The following CPNE4 variants were observed in gnomAD, a reference collection of about 807,000 sequenced individuals.
The protein encoded by CPNE4 is copine 4.
In CPNE4, 25 loss-of-function variants were observed where a neutral mutation model predicts 67.9. The observed-to-expected ratio is 0.37, with a 90% CI of 0.27 to 0.51. The LOEUF (loss-of-function observed/expected upper bound fraction) is 0.51, where lower values mean the gene tolerates loss of function less well. CPNE4 is among the 20% of genes least tolerant of loss of function. The pLI, the probability that CPNE4 is intolerant of heterozygous loss-of-function variation, is 0.93. For missense variants in CPNE4, 464 were observed against 690.8 expected (o/e 0.67, Z 3.68); for synonymous variants, 242 against 244.9 (o/e 0.99, Z 0.11).
chr3:131,984,605 C>G (rs759772294), intron 1 of CPNE4, among the ~76,000 whole-genome samples: 1 of 152,180 alleles, frequency 6.6e-6, no homozygotes, highest in Non-Finnish European at 1.5e-5. Flanking sequence ...GCCTATGTCC[C>G]TTTTTCCCTG....
intron 2 of CPNE4, among the ~76,000 whole-genome samples, chr3:131,890,694 C>T (rs559339659): frequency 2.0e-5 from 3 of 152,042 alleles, no homozygotes; most frequent in Non-Finnish European, 4.4e-5. Flanking sequence ...GGAAACAATC[C>T]AAATGTTTAT....
intron 2 of CPNE4, among the ~76,000 whole-genome samples, chr3:131,746,648 A>G (rs950487443): frequency 3.9e-5 from 6 of 152,122 alleles, no homozygotes; most frequent in Non-Finnish European, 8.8e-5. Flanking sequence ...TATATATAGC[A>G]TATTTTCTTT....
intron 1 of CPNE4, among the ~76,000 whole-genome samples, chr3:131,995,857 T>C (rs28433979): frequency 0.16 from 24,264 of 152,162 alleles, 2,348 homozygotes; most frequent in Non-Finnish European, 0.21. Context: ...AACAAATGAA[T>C]TGCCACTGCA....
chr3:131,657,604 G>A (rs943133662), intron 7 of CPNE4, among the ~76,000 whole-genome samples: 4 of 144,810 alleles, frequency 2.8e-5, no homozygotes, highest in African/African-American at 5.2e-5. Flanking sequence ...GTGTGATCTC[G>A]ACTCACTGCA....
At chr3:131,758,755 G>A (rs573696937) in intron 2 of CPNE4, among the ~76,000 whole-genome samples, 1 of 152,232 alleles carries the variant, frequency 6.6e-6, no homozygotes, top group Admixed American at 6.5e-5. Context: ...CCCAGGGGGA[G>A]GCAATTGAAT....
At chr3:131,986,833 A>AAAAAAAAAAAC (rs1359187468) in intron 1 of CPNE4, among the ~76,000 whole-genome samples, 9 of 139,690 alleles carry the variant, frequency 6.4e-5, no homozygotes, top group Non-Finnish European at 1.4e-4. Flanking sequence ...TCGGTCTCAA[A>AAAAAAAAAAAC]AAAAAAAAAC....
chr3:131,701,298 A>G (rs1256186362), intron 3 of CPNE4, among the ~76,000 whole-genome samples: 1 of 152,172 alleles, frequency 6.6e-6, no homozygotes, highest in African/African-American at 2.4e-5. Context: ...AGGGAACAAC[A>G]TCATCCATTG....
intron 7 of CPNE4, among the ~76,000 whole-genome samples, chr3:131,616,744 C>T (rs544149835): frequency 6.6e-6 from 1 of 152,182 alleles, no homozygotes; most frequent in South Asian, 2.1e-4. Context: ...TCGAATTAAT[C>T]AGAACTGAAG....
At chr3:131,979,414 C>G (rs1487531125) in intron 1 of CPNE4, among the ~76,000 whole-genome samples, 2 of 152,126 alleles carry the variant, frequency 1.3e-5, no homozygotes, top group African/African-American at 2.4e-5. Flanking sequence ...TCCTGTTGGA[C>G]AAGGCTTTTA....
intron 2 of CPNE4, among the ~76,000 whole-genome samples, chr3:131,803,522 A>G (rs1375449218): frequency 6.6e-6 from 1 of 152,246 alleles, no homozygotes; most frequent in South Asian, 2.1e-4. Flanking sequence ...CTCTGAAGGC[A>G]TAGACATCTG....
chr3:131,587,602 T>C lies in CPNE4; in HGVS notation c.682-20A>G, dbSNP rs1938271278. ...TATGCACTGTAAGAGAAAACAATGA[T>C]CTTTCTTAAAAAATTAAGAATGTAG... On this transcript the variant is annotated intron_variant, in intron 7 of 15. Coordinates refer to ENST00000429747, the MANE Select transcript of CPNE4 (RefSeq NM_130808.3). The C allele has an allele frequency of 6.4e-7, 1 of 1,564,424 alleles. No homozygotes were observed. The highest frequency in any genetic ancestry group is 8.8e-7 in the Non-Finnish European group (1 of 1,137,254).
chr3:131,984,046 A>T (rs1482753032), intron 1 of CPNE4, among the ~76,000 whole-genome samples: 1 of 152,180 alleles, frequency 6.6e-6, no homozygotes, highest in Non-Finnish European at 1.5e-5. Flanking sequence ...GACTGCTCCT[A>T]TGTAGAGCTC....
At chr3:131,547,898 A>G (rs1284963330) in intron 14 of CPNE4, among the ~76,000 whole-genome samples, 1 of 152,134 alleles carries the variant, frequency 6.6e-6, no homozygotes, top group Non-Finnish European at 1.5e-5. Flanking sequence ...GCAGATTGAA[A>G]CTGTGGTCAA....
rs368828865 is a variant in CPNE4 at position 131,951,865 on chromosome 3, G to C, written c.-1-46421C>G. Among the ~76,000 whole-genome samples the C allele has an allele frequency of 6.0e-3, 904 of 151,398 alleles. 8 individuals carry two copies. Among genetic ancestry groups the C allele is most frequent in the South Asian group, 0.018 (87 of 4,772 alleles). On this transcript the variant is annotated intron_variant, in intron 1 of 15. Transcript: ENST00000429747. ...CAGACGGAGTCTCGTTCACTCAGTGGTCAATGGTGCCCAGGCTGGAGTGCA... is the reference window on the plus strand; with the variant it reads ...CAGACGGAGTCTCGTTCACTCAGTGCTCAATGGTGCCCAGGCTGGAGTGCA...
chr3:131,647,759 G>A (rs908614245), intron 7 of CPNE4, among the ~76,000 whole-genome samples: 5 of 152,108 alleles, frequency 3.3e-5, no homozygotes, highest in African/African-American at 7.2e-5. Flanking sequence ...AGAAACTGGA[G>A]AGGAATTTTG....
chr3:131,730,692 G>T (rs901464720), intron 2 of CPNE4, among the ~76,000 whole-genome samples: 5 of 152,162 alleles, frequency 3.3e-5, no homozygotes, highest in African/African-American at 1.2e-4. Context: ...CAAAGGAAGA[G>T]AGCAGAGTGG....
At chr3:131,579,857 A>C (rs958306308) in intron 9 of CPNE4, among the ~76,000 whole-genome samples, 1 of 152,246 alleles carries the variant, frequency 6.6e-6, no homozygotes, top group Non-Finnish European at 1.5e-5. Context: ...CCTGGTGAAG[A>C]TGCTGTGAAC....
intron 6 of CPNE4, among the ~76,000 whole-genome samples, chr3:131,672,985 G>C (rs573590680): frequency 9.9e-5 from 15 of 152,140 alleles, no homozygotes; most frequent in African/African-American, 3.6e-4. Flanking sequence ...TTAAATTTAT[G>C]TCTTTAATCC....
intron 7 of CPNE4, among the ~76,000 whole-genome samples, chr3:131,614,842 A>AATGTCTTAATACCTTGTTCAAG (rs1488574894): frequency 3.9e-5 from 6 of 152,320 alleles, no homozygotes; most frequent in African/African-American, 1.4e-4. Flanking sequence ...ACTTGTTCTT[A>AATGTCTTAATACCTTGTTCAAG]ATGTCTTAAT....
Sources: gnomAD v4.1 joint callset for allele counts (sites outside exome capture counted in the v4.1 genomes callset) on GRCh38, gnomAD v4.1.1 for gene constraint, MANE v1.5 for transcripts, NCBI Gene and HGNC (gene_info 2026-07-23, HGNC 2026-07-21) for gene names.